Variants in GALNT7 observed in about 807,000 individuals in gnomAD.
GALNT7 encodes polypeptide N-acetylgalactosaminyltransferase 7.
A neutral mutation model predicts 82.1 loss-of-function variants in GALNT7; 60 were observed. The observed-to-expected ratio is 0.73, with a 90% CI of 0.59 to 0.91. The LOEUF (loss-of-function observed/expected upper bound fraction) is 0.91. Ranked by LOEUF, GALNT7 falls within the 40% of genes least tolerant of loss-of-function variation. The pLI is 0.00. For synonymous variants in GALNT7, 243 were observed against 275.1 expected (o/e 0.88, Z 1.15); for missense variants, 660 against 804.2 (o/e 0.82, Z 2.17).
At chr4:173,215,502 T>G (rs988430483) in intron 1 of GALNT7, among the ~76,000 whole-genome samples, 1 of 152,120 alleles carries the variant, frequency 6.6e-6, no homozygotes, top group Non-Finnish European at 1.5e-5. Flanking sequence ...AGTGCTGGGA[T>G]TGCAGGTGTC....
chr4:173,225,010 G>A lies in GALNT7; in HGVS notation c.127-22970G>A, dbSNP rs1035053112. Among the ~76,000 whole-genome samples the A allele has an allele frequency of 1.0e-4, 13 of 124,930 alleles. 1 individual carries two copies. The highest frequency in any genetic ancestry group is 6.3e-4 in the Admixed American group (7 of 11,038). 82.0% of individuals were successfully genotyped at this position (124,930 alleles called of 152,430 possible). ...AGCCTGGACGACAGAGCGAGACTCTGTCTCAAAAAATAATAATAATAATAA... is the reference window on the plus strand; with the variant it reads ...AGCCTGGACGACAGAGCGAGACTCTATCTCAAAAAATAATAATAATAATAA... On this transcript the variant is annotated intron_variant, in intron 1 of 11. Transcript: ENST00000265000.
At position 173,314,153 on chromosome 4, in the gene GALNT7, C is replaced by T; in HGVS notation, c.1585C>T (p.Pro529Ser). The T allele has an allele frequency of 2.5e-6, 4 of 1,611,132 alleles. No individual in the cohort carries two copies. Among genetic ancestry groups the T allele is most frequent in the Non-Finnish European group, 3.4e-6 (4 of 1,177,356 alleles). ...YDITSHYPLP[P>S]KNVDWGEIRG... is the part of the protein sequence containing the mutation. ...TATCACCTCACACTACCCTTTGCCA[C>T]CCAAAAATGTTGACTGGGGAGAAGT... is the stretch of plus-strand genomic sequence containing the variant. Residue 529 changes from proline to serine, a missense_variant, in exon 9 of 12, where the codon CCC becomes TCC. Around this residue, in one of 2 missense-constraint regions of GALNT7, gnomAD observed 527 missense variants for 683.5 expected, o/e 0.77. Coordinates refer to ENST00000265000, the MANE Select transcript of GALNT7 (RefSeq NM_017423.3).
chr4:173,168,859 C>T lies in GALNT7; in HGVS notation c.24C>T (p.Ile8=), dbSNP rs760887769. MRLKIGF[I]LRSLLVVGSF... Reference sequence around the variant, plus strand: ...AGATGAGGCTGAAGATTGGGTTCATCTTACGCAGTTTGCTGGTGGTGGGAA... The same window carrying T: ...AGATGAGGCTGAAGATTGGGTTCATTTTACGCAGTTTGCTGGTGGTGGGAA... Residue 8 remains isoleucine, a synonymous_variant, in exon 1 of 12, where the codon ATC becomes ATT. Coordinates refer to ENST00000265000, the MANE Select transcript of GALNT7 (RefSeq NM_017423.3). 5 of 1,612,916 alleles carry T rather than the reference C, an allele frequency of 3.1e-6. No individual in the cohort carries two copies. The South Asian group carries it at 4.4e-5, about 14-fold the overall frequency.
At position 173,295,776 on chromosome 4, in the gene GALNT7, C is replaced by G. The variant is rs765866402; in HGVS notation, c.898C>G (p.Leu300Val). Residue 300 changes from leucine (L) to valine (V), a missense_variant, in exon 5 of 12, where the codon CTT becomes GTT. Physicochemically the swap from Leu to Val is conservative, Grantham distance 32. Around this residue, in one of 2 missense-constraint regions of GALNT7, gnomAD observed 527 missense variants for 683.5 expected, o/e 0.77. Coordinates refer to ENST00000265000, the MANE Select transcript of GALNT7 (RefSeq NM_017423.3). ...TCTTTTTTTTAAGGTTTTGATATAC[C>G]TTGATGCCCACTGTGAGGTGGCAGT... Reference protein sequence around the residue: ...KAKLGQVLIYLDAHCEVAVNW... With the variant: ...KAKLGQVLIYVDAHCEVAVNW... The G allele has an allele frequency of 1.9e-6, 3 of 1,605,396 alleles. No individual in the cohort carries two copies. Among genetic ancestry groups the G allele is most frequent in the Non-Finnish European group, 2.6e-6 (3 of 1,172,484 alleles).
intron 1 of GALNT7, among the ~76,000 whole-genome samples, chr4:173,226,614 ACT>A (rs1352016238): frequency 6.6e-6 from 1 of 151,954 alleles, no homozygotes; most frequent in African/African-American, 2.4e-5. Flanking sequence ...AAAATTACTC[ACT>A]CTCAGCTTGC....
intron 1 of GALNT7, among the ~76,000 whole-genome samples, chr4:173,239,537 A>C (rs1734350785): frequency 6.6e-6 from 1 of 152,226 alleles, no homozygotes; most frequent in East Asian, 1.9e-4. Context: ...ACGAAAGCCG[A>C]AAGTGCATCT....
chr4:173,282,440 T>A (rs1450097644), intron 2 of GALNT7: 1 of 152,240 alleles, frequency 6.6e-6, no homozygotes, highest in Non-Finnish European at 1.5e-5. Context: ...TGCCCATTGC[T>A]GTGACTTTTC....
chr4:173,196,212 C>T (rs1203198401), intron 1 of GALNT7, among the ~76,000 whole-genome samples: 3 of 151,942 alleles, frequency 2.0e-5, no homozygotes, highest in Admixed American at 1.3e-4. Context: ...GCAACCTCCA[C>T]CTCCTAGGTT....
At chr4:173,233,710 T>A (rs1734117576) in intron 1 of GALNT7, among the ~76,000 whole-genome samples, 1 of 152,214 alleles carries the variant, frequency 6.6e-6, no homozygotes, top group South Asian at 2.1e-4. Context: ...TCCCCATGAC[T>A]GCTTTGGCTC....
rs550493496 is a variant in GALNT7 at position 173,193,483 on chromosome 4, C to T, written c.126+24522C>T. Among the ~76,000 whole-genome samples, 5 of 152,212 alleles carry T rather than the reference C, an allele frequency of 3.3e-5. No individual in the cohort carries two copies. The South Asian group carries it at 8.3e-4, about 25-fold the overall frequency. On this transcript the variant is annotated intron_variant, in intron 1 of 11. Coordinates refer to ENST00000265000, the MANE Select transcript of GALNT7 (RefSeq NM_017423.3). Reference sequence around the variant, plus strand: ...ATCTGTCTTTTCTCTCCCCTCACCCCAACTTTATTTTTTTTAAAGGCGTTA... The same window carrying T: ...ATCTGTCTTTTCTCTCCCCTCACCCTAACTTTATTTTTTTTAAAGGCGTTA...
chr4:173,318,614 C>G, intron 11 of GALNT7, 55 bp downstream of exon 11: 1 of 1,094,002 alleles, frequency 9.1e-7, no homozygotes. Flanking sequence ...TCAGTAACAT[C>G]TAGCATGTGG....
rs10032851 is a variant in GALNT7 at position 173,188,552 on chromosome 4, C to G, written c.126+19591C>G. 3.1e-3 allele frequency among the ~76,000 whole-genome samples: 478 copies of G among 152,302 alleles called. 3 individuals are homozygous for G. Among genetic ancestry groups the G allele is most frequent in the African/African-American group, 0.011 (462 of 41,566 alleles). On this transcript the variant is annotated intron_variant, in intron 1 of 11. Coordinates refer to ENST00000265000, the MANE Select transcript of GALNT7 (RefSeq NM_017423.3). ...TTCACAAACTGACCTGGTCACTGAT[C>G]CAGTTTTTAAAGAACATCCAGTTTT...
chr4:173,266,144 C>A (rs2126776998), intron 2 of GALNT7, among the ~76,000 whole-genome samples: 1 of 152,290 alleles, frequency 6.6e-6, no homozygotes, highest in Admixed American at 6.5e-5. Flanking sequence ...GCCATGATCC[C>A]AGCTACTTAG....
chr4:173,180,474 C>T (rs1421113117), intron 1 of GALNT7, among the ~76,000 whole-genome samples: 1 of 151,976 alleles, frequency 6.6e-6, no homozygotes, highest in Non-Finnish European at 1.5e-5. Flanking sequence ...ATTACAGGCG[C>T]CCACAACCAT....
chr4:173,275,121 G>A (rs191177645), intron 2 of GALNT7, among the ~76,000 whole-genome samples: 2 of 152,292 alleles, frequency 1.3e-5, no homozygotes, highest in African/African-American at 4.8e-5. Context: ...CATTTTTGGG[G>A]GCTCATTAGG....
At chr4:173,185,289 CA>C (rs1340303450) in intron 1 of GALNT7, among the ~76,000 whole-genome samples, 1 of 152,086 alleles carries the variant, frequency 6.6e-6, no homozygotes, top group African/African-American at 2.4e-5. Context: ...AAGTGTGTAG[CA>C]GCATGGACAG....
At chr4:173,301,464 C>T (rs141839578) in intron 6 of GALNT7, among the ~76,000 whole-genome samples, 1 of 152,324 alleles carries the variant, frequency 6.6e-6, no homozygotes, top group African/African-American at 2.4e-5. Context: ...CACCCTTTTG[C>T]ATTCCTACCT....
intron 6 of GALNT7, among the ~76,000 whole-genome samples, chr4:173,299,814 C>G (rs1302624438): frequency 6.6e-6 from 1 of 151,796 alleles, no homozygotes; most frequent in Non-Finnish European, 1.5e-5. Flanking sequence ...CCATTGCACT[C>G]CAGCCTGGGC....
chr4:173,303,881 C>A (rs1016630420), intron 7 of GALNT7, 115 bp from the exon 8 acceptor site: 3 of 863,608 alleles, frequency 3.5e-6, no homozygotes, highest in Admixed American at 2.6e-5. Context: ...TTTAAGAATT[C>A]TGTGTGGACA....
Sources: gnomAD v4.1 joint callset for allele counts (sites outside exome capture counted in the v4.1 genomes callset) on GRCh38, gnomAD v4.1.1 for gene constraint, gnomAD v4.1.1 regional missense constraint, MANE v1.5 for transcripts, NCBI Gene and HGNC (gene_info 2026-07-23, HGNC 2026-07-21) for gene names.